The following ADARB2 variants were observed in gnomAD, a reference collection of about 807,000 sequenced individuals.
The protein encoded by ADARB2 is inactive double-stranded RNA-specific editase B2.
Under a neutral mutation model 62.2 loss-of-function variants are expected in ADARB2, and 25 were observed. The observed-to-expected ratio is 0.40, with a 90% CI of 0.29 to 0.56. ADARB2 has a LOEUF of 0.56. ADARB2 is among the 20% of genes least tolerant of loss of function. The pLI is 0.43. For synonymous variants in ADARB2, 572 were observed against 500.8 expected (o/e 1.14, Z -1.90); for missense variants, 1,071 against 1,077.4 (o/e 0.99, Z 0.08).
intron 8 of ADARB2, chr10:1,186,417 A>T (rs1564214185): frequency 1.2e-5 from 6 of 500,128 alleles, no homozygotes; most frequent in Non-Finnish European, 2.4e-5. Context: ...AGTGGTGTTG[A>T]GACGCTTGGT....
chr10:1,592,051 C>T (rs910672517), intron 1 of ADARB2, among the ~76,000 whole-genome samples: 24 of 152,220 alleles, frequency 1.6e-4, no homozygotes, highest in Non-Finnish European at 2.8e-4. Flanking sequence ...CCTGGTTTTC[C>T]CCGGATTCTC....
chr10:1,286,247 C>T (rs570493860), intron 3 of ADARB2, among the ~76,000 whole-genome samples: 1 of 152,286 alleles, frequency 6.6e-6, no homozygotes, highest in Admixed American at 6.5e-5. Context: ...GAAACACTGC[C>T]AGGAGAGTCC....
At chr10:1,372,309 G>A (rs918404511) in intron 2 of ADARB2, among the ~76,000 whole-genome samples, 8 of 99,486 alleles carry the variant, frequency 8.0e-5, no homozygotes, top group Non-Finnish European at 2.3e-4. Context: ...GAGGACTTGA[G>A]AAGGGGGAGG....
At chr10:1,571,285 C>CTTT (rs768695693) in intron 1 of ADARB2, among the ~76,000 whole-genome samples, 210 of 139,524 alleles carry the variant, frequency 1.5e-3, no homozygotes, top group African/African-American at 5.6e-3. Context: ...TCTATTTTTA[C>CTTT]TTTTTTTTTT....
chr10:1,646,838 TCAC>T (rs1271357821), intron 1 of ADARB2, among the ~76,000 whole-genome samples: 5 of 152,222 alleles, frequency 3.3e-5, no homozygotes, highest in Non-Finnish European at 5.9e-5. Context: ...TGCTGTGTGC[TCAC>T]CACAAGACAC....
intron 1 of ADARB2, among the ~76,000 whole-genome samples, chr10:1,502,525 A>G (rs1320998047): frequency 2.0e-5 from 3 of 152,232 alleles, no homozygotes; most frequent in East Asian, 1.9e-4. Context: ...ACGGCAACCC[A>G]TGGAAGAAGC....
chr10:1,441,379 A>G (rs1278391830), intron 1 of ADARB2, among the ~76,000 whole-genome samples: 1 of 152,248 alleles, frequency 6.6e-6, no homozygotes, highest in East Asian at 1.9e-4. Flanking sequence ...AAGAAAGAAG[A>G]GTTAGTGTGG....
intron 3 of ADARB2, among the ~76,000 whole-genome samples, chr10:1,349,387 C>T (rs1832112511): frequency 6.6e-6 from 1 of 152,198 alleles, no homozygotes; most frequent in Admixed American, 6.5e-5. Context: ...CCCACAAAGC[C>T]TGTTTGGTGG....
chr10:1,190,412 C>T (rs889225834), intron 8 of ADARB2, among the ~76,000 whole-genome samples: 1 of 152,242 alleles, frequency 6.6e-6, no homozygotes, highest in Admixed American at 6.5e-5. Context: ...AGGAACGATA[C>T]TGTGTATTCT....
At chr10:1,286,183 C>T (rs1831412475) in intron 3 of ADARB2, among the ~76,000 whole-genome samples, 1 of 152,186 alleles carries the variant, frequency 6.6e-6, no homozygotes, top group Non-Finnish European at 1.5e-5. Context: ...AGGTGGGACA[C>T]ACCTCGAAGC....
At chr10:1,416,659 C>T (rs930505602) in intron 1 of ADARB2, among the ~76,000 whole-genome samples, 5 of 152,346 alleles carry the variant, frequency 3.3e-5, no homozygotes, top group East Asian at 1.9e-4. Context: ...CACACAGGTC[C>T]GTACCATGCA....
At chr10:1,696,165 T>C (rs1461993751) in intron 1 of ADARB2, among the ~76,000 whole-genome samples, 1 of 135,666 alleles carries the variant, frequency 7.4e-6, no homozygotes, top group Non-Finnish European at 1.6e-5. Flanking sequence ...TGTGTTTGCA[T>C]GTGTCTGTGT....
chr10:1,642,886 G>C (rs1277249612), intron 1 of ADARB2, among the ~76,000 whole-genome samples: 2 of 152,208 alleles, frequency 1.3e-5, no homozygotes, highest in African/African-American at 4.8e-5. Context: ...TGAAGCGGGA[G>C]AGGCAGACGG....
At chr10:1,419,649 T>C (rs758306616) in intron 1 of ADARB2, among the ~76,000 whole-genome samples, 8 of 152,228 alleles carry the variant, frequency 5.3e-5, no homozygotes, top group Non-Finnish European at 8.8e-5. Context: ...TGGGTTTTAT[T>C]AAAGTCTCAT....
At chr10:1,372,434 C>G (rs771560901) in intron 2 of ADARB2, among the ~76,000 whole-genome samples, 1 of 151,652 alleles carries the variant, frequency 6.6e-6, no homozygotes, top group Non-Finnish European at 1.5e-5. Flanking sequence ...GGGACAAACA[C>G]GCACATGTAT....
intron 1 of ADARB2, among the ~76,000 whole-genome samples, chr10:1,449,542 A>G (rs955303908): frequency 2.0e-5 from 3 of 152,218 alleles, no homozygotes; most frequent in Admixed American, 6.5e-5. Flanking sequence ...AGCACATCAG[A>G]TAGCTTCATA....
intron 3 of ADARB2, among the ~76,000 whole-genome samples, chr10:1,343,490 A>G (rs1249422377): frequency 3.9e-5 from 6 of 152,248 alleles, no homozygotes; most frequent in Non-Finnish European, 7.3e-5. Context: ...TTAAAACAGA[A>G]CTACCATCTG....
intron 1 of ADARB2, among the ~76,000 whole-genome samples, chr10:1,732,394 C>T (rs188677794): frequency 1.1e-3 from 165 of 151,818 alleles, no homozygotes; most frequent in African/African-American, 3.7e-3. Context: ...GGAACCGAGT[C>T]ACCCCTGTTT....
At chr10:1,680,749 T>G (rs1027098664) in intron 1 of ADARB2, among the ~76,000 whole-genome samples, 2 of 152,230 alleles carry the variant, frequency 1.3e-5, no homozygotes, top group Non-Finnish European at 2.9e-5. Flanking sequence ...GGGGAAAATG[T>G]CTGATGCTGG....
Sources: allele counts gnomAD v4.1 joint callset (sites outside exome capture counted in the v4.1 genomes callset), GRCh38; gene constraint gnomAD v4.1.1; transcripts MANE v1.5; gene names NCBI Gene and HGNC (gene_info 2026-07-23, HGNC 2026-07-21).